MARCHF1: variants seen among roughly 807,000 people sequenced by gnomAD.
The protein encoded by MARCHF1 is membrane associated ring-CH-type finger 1, also known as E3 ubiquitin-protein ligase MARCHF1.
MARCHF1 carries 40 observed loss-of-function variants against 54.2 expected under a neutral mutation model. The ratio of observed to expected loss-of-function variants is 0.74; its 90% CI spans 0.57 to 0.96. The LOEUF is 0.96. Among genes scored for constraint, MARCHF1 ranks in the 40% least tolerant of loss-of-function variants. MARCHF1 has a pLI of 0.00. For missense variants in MARCHF1, 586 were observed against 656.5 expected (o/e 0.89, Z 1.17); for synonymous variants, 236 against 236.3 (o/e 1.00, Z 0.01).
chr4:164,375,621 C>A (rs1167307170), intron 1 of MARCHF1, among the ~76,000 whole-genome samples: 1 of 152,000 alleles, frequency 6.6e-6, no homozygotes, highest in African/African-American at 2.4e-5. Flanking sequence ...TTCTTTTTTG[C>A]AAATAGATGG....
chr4:163,853,887 ATATAT>A (rs1229635263), intron 4 of MARCHF1, 129 bp downstream of exon 4: 1 of 623,394 alleles, frequency 1.6e-6, no homozygotes, highest in African/African-American at 1.8e-5. Context: ...ATCTATATGA[ATATAT>A]TATATAATAC....
chr4:163,987,630 G>A lies in MARCHF1; in HGVS notation c.-39+871C>T, dbSNP rs746935490. On this transcript the variant is annotated intron_variant, in intron 3 of 9. Transcript: ENST00000514618. Reference sequence around the variant, plus strand: ...AAAGCCCATCTCCTACAAAGCTAAGGACACCTGAGGACTAGAAAATAGTTA... The same window carrying A: ...AAAGCCCATCTCCTACAAAGCTAAGAACACCTGAGGACTAGAAAATAGTTA... Among the ~76,000 whole-genome samples, 34 of 152,304 alleles carry A rather than the reference G, an allele frequency of 2.2e-4. No homozygotes were observed. The Middle Eastern group carries it at 0.01, about 46-fold the overall frequency.
At chr4:163,705,549 G>A (rs533152314) in intron 4 of MARCHF1, among the ~76,000 whole-genome samples, 17 of 151,780 alleles carry the variant, frequency 1.1e-4, no homozygotes, top group East Asian at 3.9e-4. Context: ...AACATAATCC[G>A]TTAGATTAAT....
intron 4 of MARCHF1, among the ~76,000 whole-genome samples, chr4:163,783,724 T>C (rs560384510): frequency 6.6e-6 from 1 of 152,256 alleles, no homozygotes; most frequent in Non-Finnish European, 1.5e-5. Flanking sequence ...CAATTGGCTT[T>C]TCTGAAACCT....
chr4:164,058,973 C>G (rs1224778373), intron 2 of MARCHF1, among the ~76,000 whole-genome samples: 2 of 152,156 alleles, frequency 1.3e-5, no homozygotes, highest in Non-Finnish European at 2.9e-5. Context: ...CAGTTAAAGT[C>G]TGGCTTGGCA....
chr4:164,121,427 G>T (rs1045458496), intron 1 of MARCHF1, among the ~76,000 whole-genome samples: 1 of 152,070 alleles, frequency 6.6e-6, no homozygotes. Flanking sequence ...GGTGGAAGGG[G>T]AAGAAAACAC....
chr4:164,187,531 G>T (rs558865390), intron 1 of MARCHF1, among the ~76,000 whole-genome samples: 35 of 152,166 alleles, frequency 2.3e-4, no homozygotes, highest in Non-Finnish European at 3.4e-4. Context: ...ATGTGAACTT[G>T]AAGCTCATGC....
intron 4 of MARCHF1, among the ~76,000 whole-genome samples, chr4:163,788,589 T>C (rs989186667): frequency 9.9e-5 from 15 of 151,854 alleles, no homozygotes; most frequent in African/African-American, 3.6e-4. Flanking sequence ...TCAATTTGAG[T>C]TTGTCTTATT....
intron 1 of MARCHF1, among the ~76,000 whole-genome samples, chr4:164,304,298 T>C (rs1029451773): frequency 1.1e-4 from 16 of 152,308 alleles, no homozygotes; most frequent in Middle Eastern, 3.4e-3. Flanking sequence ...CAACAGTCTA[T>C]TAAATGCTAA....
chr4:164,051,909 A>G (rs1287006306), intron 2 of MARCHF1, among the ~76,000 whole-genome samples: 1 of 152,210 alleles, frequency 6.6e-6, no homozygotes, highest in Admixed American at 6.5e-5. Flanking sequence ...TTGCTCCCAC[A>G]TAGCCCCCTC....
At chr4:164,360,010 C>G (rs1398748752) in intron 1 of MARCHF1, among the ~76,000 whole-genome samples, 1 of 151,918 alleles carries the variant, frequency 6.6e-6, no homozygotes, top group Non-Finnish European at 1.5e-5. Flanking sequence ...CGTGTGAACC[C>G]CACCCCCCAG....
intron 4 of MARCHF1, among the ~76,000 whole-genome samples, chr4:163,820,848 G>T (rs1748672967): frequency 6.6e-6 from 1 of 151,798 alleles, no homozygotes; most frequent in South Asian, 2.1e-4. Flanking sequence ...TCTTTCCTGG[G>T]ACCCTGAAAT....
At chr4:164,220,341 T>G (rs1732059682) in intron 1 of MARCHF1, among the ~76,000 whole-genome samples, 1 of 147,164 alleles carries the variant, frequency 6.8e-6, no homozygotes, top group African/African-American at 2.5e-5. Flanking sequence ...AATTCCATTA[T>G]ATATATGAAT....
chr4:163,935,646 T>C (rs1369961657), intron 3 of MARCHF1, among the ~76,000 whole-genome samples: 1 of 151,978 alleles, frequency 6.6e-6, no homozygotes, highest in African/African-American at 2.4e-5. Flanking sequence ...ATTGATCTTC[T>C]AACCAGACCA....
rs1756370781 is a variant in MARCHF1, at chr4:164,134,898, A to G, written c.-322-23236T>C. On this transcript the variant is annotated intron_variant, in intron 1 of 9. Transcript: ENST00000514618. ...AGTTTAATTGAGCAACTATATCTCT[A>G]AACAAGTAAAGTGTGGAGCAAGTTG... is the stretch of plus-strand genomic sequence containing the variant. 1.3e-5 allele frequency among the ~76,000 whole-genome samples: 2 copies of G among 151,962 alleles called. 1 individual carries two copies. The highest frequency in any genetic ancestry group is 4.1e-4 in the South Asian group (2 of 4,824).
chr4:163,756,899 G>GA (rs1026033842), intron 4 of MARCHF1, among the ~76,000 whole-genome samples: 2 of 151,396 alleles, frequency 1.3e-5, no homozygotes, highest in African/African-American at 4.9e-5. Context: ...CAGGATATGA[G>GA]AAAAAAAAGA....
chr4:163,831,902 C>T (rs886412378), intron 4 of MARCHF1, among the ~76,000 whole-genome samples: 1 of 152,296 alleles, frequency 6.6e-6, no homozygotes, highest in African/African-American at 2.4e-5. Flanking sequence ...GGTCCTCATA[C>T]ATGCACCACA....
At chr4:163,870,899 A>T (rs1011867050) in intron 3 of MARCHF1, among the ~76,000 whole-genome samples, 1 of 152,136 alleles carries the variant, frequency 6.6e-6, no homozygotes, top group African/African-American at 2.4e-5. Context: ...AGATTAAGGA[A>T]TCAGTTTTTG....
At chr4:164,165,175 T>G (rs1191534370) in intron 1 of MARCHF1, among the ~76,000 whole-genome samples, 1 of 152,026 alleles carries the variant, frequency 6.6e-6, no homozygotes, top group Admixed American at 6.6e-5. Context: ...CCAGAGACAA[T>G]ATTATATCTA....
Sources: allele counts gnomAD v4.1 joint callset (sites outside exome capture counted in the v4.1 genomes callset), GRCh38; gene constraint gnomAD v4.1.1; transcripts MANE v1.5; gene names NCBI Gene and HGNC (gene_info 2026-07-23, HGNC 2026-07-21).